PRKD3: variants seen among roughly 807,000 people sequenced by gnomAD.
The protein encoded by PRKD3 is protein kinase D3.
Under a neutral mutation model 99.2 loss-of-function variants are expected in PRKD3, and 47 were observed. The observed-to-expected ratio is 0.47, with a 90% CI of 0.38 to 0.60. The LOEUF is 0.60. Among genes scored for constraint, PRKD3 ranks in the 20% least tolerant of loss-of-function variants. The probability of loss-of-function intolerance (pLI) is 0.00; values close to 1 mark genes in which losing one functional copy is unlikely to be tolerated. For synonymous variants in PRKD3, 392 were observed against 355.4 expected, an observed-to-expected ratio of 1.10 and a Z score of -1.16; for missense variants, 1,019 against 1,088.4, an observed-to-expected ratio of 0.94 and a Z score of 0.90.
intron 9 of PRKD3, among the ~76,000 whole-genome samples, chr2:37,276,947 T>C (rs1260932246): frequency 1.3e-5 from 2 of 151,986 alleles, no homozygotes; most frequent in Non-Finnish European, 1.5e-5. Flanking sequence ...ACCTTTGATA[T>C]ACCATTAAAT....
At chr2:37,308,500 C>A (rs949433657) in intron 2 of PRKD3, among the ~76,000 whole-genome samples, 1 of 151,878 alleles carries the variant, frequency 6.6e-6, no homozygotes, top group Non-Finnish European at 1.5e-5. Context: ...TCTCAGCTCA[C>A]TGCAACCTCT....
intron 7 of PRKD3, among the ~76,000 whole-genome samples, chr2:37,281,233 T>C (rs1199038848): frequency 1.3e-5 from 2 of 152,148 alleles, no homozygotes; most frequent in Admixed American, 6.5e-5. Flanking sequence ...AAGATAAATA[T>C]AAATGGTGTT....
chr2:37,302,250 G>A (rs562914977), intron 2 of PRKD3, among the ~76,000 whole-genome samples: 20 of 152,102 alleles, frequency 1.3e-4, no homozygotes, highest in East Asian at 3.9e-4. Flanking sequence ...CCCATCCCCC[G>A]AGCTTTTCTG....
Position 37,316,770 on chromosome 2 carries a change from C to T in PRKD3, c.-246G>A, listed in dbSNP as rs1671683588. 3 of 1,337,066 alleles carry T rather than the reference C, an allele frequency of 2.2e-6. No individual in the cohort carries two copies. Among genetic ancestry groups the T allele is most frequent in the African/African-American group, 1.5e-5 (1 of 67,672 alleles). 82.8% of individuals were successfully genotyped at this position (1,337,066 alleles called of 1,614,324 possible). A position where few individuals can be genotyped will look rare whatever the true frequency, so the allele number is the denominator to read the frequency against. The stretch of plus-strand genomic sequence containing the variant: ...AGCAGTCTTGTCTGTAGGAAGACAA[C>T]CAGGGATTTGTAAAGGATTTAACAT... On this transcript the variant is annotated 5_prime_UTR_variant, in exon 2 of 19. Coordinates refer to ENST00000234179, the MANE Select transcript of PRKD3 (RefSeq NM_005813.6).
chr2:37,271,767 C>T (rs544793299), intron 12 of PRKD3, among the ~76,000 whole-genome samples: 3 of 152,312 alleles, frequency 2.0e-5, no homozygotes, highest in East Asian at 3.9e-4. Context: ...CCCCTACCTC[C>T]GTGGAAAAAC....
intron 14 of PRKD3, among the ~76,000 whole-genome samples, chr2:37,264,717 A>T (rs1433182986): frequency 2.6e-5 from 4 of 152,182 alleles, no homozygotes; most frequent in African/African-American, 4.8e-5. Flanking sequence ...AGATATAGCA[A>T]GAAAGTCAAC....
In PRKD3 at chr2:37,291,019, T is replaced by G. The variant is rs770885589; in HGVS notation, c.428-20A>C. 6.3e-7 allele frequency: 1 copy of G among 1,588,600 alleles called. No individual in the cohort carries two copies. Among genetic ancestry groups the G allele is most frequent in the South Asian group, 1.1e-5 (1 of 87,370 alleles). On this transcript the variant is annotated intron_variant, in intron 3 of 18. Transcript: ENST00000234179. ...CTAAAGCTTTAAAAAAGAAAAGTATTACAATACACGTTGTATTTGTACTGC... is the reference window on the plus strand; with the variant it reads ...CTAAAGCTTTAAAAAAGAAAAGTATGACAATACACGTTGTATTTGTACTGC...
At chr2:37,310,801 G>C (rs540084673) in intron 2 of PRKD3, among the ~76,000 whole-genome samples, 1 of 152,302 alleles carries the variant, frequency 6.6e-6, no homozygotes, top group Admixed American at 6.5e-5. Context: ...GCTTAGGAAA[G>C]GAATCTGGAC....
chr2:37,277,758 A>G, intron 9 of PRKD3, 108 bp downstream of exon 9: 1 of 1,214,358 alleles, frequency 8.2e-7, no homozygotes, highest in Non-Finnish European at 1.1e-6. Context: ...GCTGTGGTGT[A>G]TATAATGTCT....
intron 1 of PRKD3, 98 bp downstream of exon 1, chr2:37,324,583 C>A (rs1480646584): frequency 6.7e-6 from 1 of 149,698 alleles, no homozygotes; most frequent in African/African-American, 2.5e-5. Flanking sequence ...GAGGGGCCGC[C>A]GCCGCCTCAG....
rs189447679 is a variant in PRKD3, at chr2:37,284,059, A to G, written c.911-1440T>C. Among the ~76,000 whole-genome samples, 225 of 152,328 alleles carry G rather than the reference A, an allele frequency of 1.5e-3. 1 individual carries two copies. The highest frequency in any genetic ancestry group is 5.1e-3 in the African/African-American group (214 of 41,578). On this transcript the variant is annotated intron_variant, in intron 6 of 18. Transcript: ENST00000234179. ...TATACTTTACATACGCTTTTAAGCT[A>G]CCTTGAAGTTTTTACACATCAAAAT...
At chr2:37,294,949 C>T (rs1216639797) in intron 2 of PRKD3, among the ~76,000 whole-genome samples, 2 of 152,258 alleles carry the variant, frequency 1.3e-5, no homozygotes, top group East Asian at 3.9e-4. Context: ...GTGGTGCATG[C>T]CTGTAGTCCC....
chr2:37,322,385 T>G (rs974126188), intron 1 of PRKD3, among the ~76,000 whole-genome samples: 2 of 152,248 alleles, frequency 1.3e-5, no homozygotes, highest in Non-Finnish European at 2.9e-5. Context: ...AGCTTAGCAT[T>G]TGCTAAATTG....
Position 37,289,417 on chromosome 2 carries a change from C to T in PRKD3, c.656G>A (p.Gly219Glu). 1 of 1,614,040 alleles carries T rather than the reference C, an allele frequency of 6.2e-7. No homozygotes were observed. Among genetic ancestry groups the T allele is most frequent in the Non-Finnish European group, 8.5e-7 (1 of 1,179,988 alleles). ...KRRLSNVSLP[G>E]PGLSVPRPLQ... ...GGGTCTTGGAACTGAGAGGCCGGGTCCTGGTAAAGATACATTTGACAGACG... is the reference window on the plus strand; with the variant it reads ...GGGTCTTGGAACTGAGAGGCCGGGTTCTGGTAAAGATACATTTGACAGACG... Residue 219 changes from glycine (G) to glutamate (E), a missense_variant, in exon 5 of 19, where the codon GGA (glycine) becomes GAA (glutamate). Gly to Glu is a moderately conservative substitution (Grantham distance 98, BLOSUM62 -2). This residue lies in a region of PRKD3 where 710 missense variants were observed against 692.7 expected (regional missense o/e 1.02). Transcript: ENST00000234179.
rs1478082485 is a variant in PRKD3, at chr2:37,316,528, C to T, written c.-4G>A. ...GAGGGGAATTATTTGCAGACATCTG[C>T]CTTTCTTTAATCTTTTAAAATAGTT... On this transcript the variant is annotated 5_prime_UTR_variant, in exon 2 of 19. Transcript: ENST00000234179. 1.5e-5 allele frequency: 24 copies of T among 1,609,172 alleles called. No individual in the cohort carries two copies. The highest frequency in any genetic ancestry group is 2.0e-5 in the Non-Finnish European group (24 of 1,177,814).
chr2:37,272,545 C>G, intron 11 of PRKD3, 113 bp from the exon 12 acceptor site: 4 of 1,293,626 alleles, frequency 3.1e-6, no homozygotes, highest in Non-Finnish European at 1.0e-6. Flanking sequence ...ACAGTTAATA[C>G]AATTATGTAC....
chr2:37,303,077 G>A (rs62133273), intron 2 of PRKD3, among the ~76,000 whole-genome samples: 1,777 of 152,196 alleles, frequency 0.012, 15 homozygotes, highest in Non-Finnish European at 0.017. Flanking sequence ...TCAGCCAGTA[G>A]AGAGAGAGAA....
Position 37,317,197 on chromosome 2 carries a change from A to G in PRKD3, c.-655-18T>C. The G allele has an allele frequency of 1.1e-6, 1 of 900,316 alleles. No homozygotes were observed. The highest frequency in any genetic ancestry group is 1.3e-6 in the Non-Finnish European group (1 of 752,298). 55.8% of individuals were successfully genotyped at this position (900,316 alleles called of 1,614,324 possible). A position where few individuals can be genotyped will look rare whatever the true frequency, so the allele number is the denominator to read the frequency against. ...TAGTTAGCCTGGAAGGAAATTTTTT[A>G]AAGGTTTTTAATACTTTATATTCAT... On this transcript the variant is annotated intron_variant, in intron 1 of 18. Coordinates refer to ENST00000234179, the MANE Select transcript of PRKD3 (RefSeq NM_005813.6).
chr2:37,319,389 T>A (rs1410398459), intron 1 of PRKD3, among the ~76,000 whole-genome samples: 3 of 152,172 alleles, frequency 2.0e-5, no homozygotes, highest in African/African-American at 7.2e-5. Context: ...TTTTCACTAT[T>A]TATTAGATAA....
Sources: allele counts gnomAD v4.1 joint callset (sites outside exome capture counted in the v4.1 genomes callset), GRCh38; gene constraint gnomAD v4.1.1; regional missense constraint gnomAD v4.1.1; transcripts MANE v1.5; gene names NCBI Gene and HGNC (gene_info 2026-07-23, HGNC 2026-07-21).